Variants in KIFC3 observed in about 807,000 individuals in gnomAD.
KIFC3 encodes kinesin-like protein KIFC3.
KIFC3 carries 60 observed loss-of-function variants against 101.8 expected under a neutral mutation model. The observed-to-expected ratio is 0.59, with a 90% CI of 0.48 to 0.73. The LOEUF (loss-of-function observed/expected upper bound fraction) is 0.73. Ranked by LOEUF, KIFC3 falls within the 30% of genes least tolerant of loss-of-function variation. The probability of loss-of-function intolerance (pLI) is 0.00; values close to 1 mark genes in which losing one functional copy is unlikely to be tolerated. For missense variants in KIFC3, 966 were observed against 1,137.1 expected (o/e 0.85, Z 2.16); for synonymous variants, 476 against 482.7 (o/e 0.99, Z 0.18).
At position 57,769,661 on chromosome 16, in the gene KIFC3, C is replaced by A. The variant is rs782037083; in HGVS notation, c.1152G>T (p.Gly384=). 2.5e-6 allele frequency: 4 copies of A among 1,612,054 alleles called. No homozygotes were observed. The highest frequency in any genetic ancestry group is 3.4e-6 in the Non-Finnish European group (4 of 1,180,012). The change falls in exon 9 of 20, where the codon GGG becomes GGT. Residue 384 remains glycine (G), a synonymous_variant. Coordinates refer to ENST00000445690, the MANE Select transcript of KIFC3 (RefSeq NM_001130100.2). The surrounding 1 kb of genome is among the most constrained non-coding windows in gnomAD (Gnocchi z 4.3). The part of the protein sequence containing the change: ...ALRTLTNDYN[G]LKRQVRGFPL... The stretch of plus-strand genomic sequence containing the variant: ...GGAAGCCGCGCACCTGCCGCTTGAG[C>A]CCATTGTAGTCGTTGGTGAGGGTCC...
Position 57,765,651 on chromosome 16 carries a change from T to A in KIFC3, c.1331-11A>T, listed in dbSNP as rs2050403799. The A allele has an allele frequency of 6.2e-7, 1 of 1,603,782 alleles. No individual in the cohort carries two copies. Among genetic ancestry groups the A allele is most frequent in the South Asian group, 1.1e-5 (1 of 89,262 alleles). ...TCACTCGGATGTTCCCTGGATTGGT[T>A]GGGGATGGGGAAATGGGTCCAGGCC... On this transcript the variant is annotated splice_polypyrimidine_tract_variant and intron_variant, in intron 10 of 19. Transcript: ENST00000445690.
chr16:57,777,278 T>C (rs1180895349), intron 3 of KIFC3, among the ~76,000 whole-genome samples: 1 of 152,220 alleles, frequency 6.6e-6, no homozygotes, highest in African/African-American at 2.4e-5. Flanking sequence ...CTACCCAAAG[T>C]GATCTACAGA....
At chr16:57,789,164 A>G (rs1555619170) in intron 3 of KIFC3, among the ~76,000 whole-genome samples, 1 of 152,188 alleles carries the variant, frequency 6.6e-6, no homozygotes, top group East Asian at 1.9e-4. Flanking sequence ...CCGCATCTCC[A>G]GATGGGACCC....
chr16:57,843,906 C>T (rs1442282562), intron 1 of KIFC3, among the ~76,000 whole-genome samples: 6 of 151,356 alleles, frequency 4.0e-5, no homozygotes, highest in Non-Finnish European at 7.4e-5. Context: ...TCAGGAGTTC[C>T]AGACCAGCCT....
chr16:57,780,619 C>T (rs1333550651), intron 3 of KIFC3, among the ~76,000 whole-genome samples: 9 of 143,736 alleles, frequency 6.3e-5, no homozygotes, highest in African/African-American at 1.8e-4. Context: ...AAACAAGACA[C>T]ATTTGAGGGC....
At chr16:57,823,401 T>C (rs2055391905) in intron 1 of KIFC3, among the ~76,000 whole-genome samples, 1 of 152,202 alleles carries the variant, frequency 6.6e-6, no homozygotes, top group Non-Finnish European at 1.5e-5. Context: ...CCTGACTACC[T>C]TGGGCACTTC....
intron 1 of KIFC3, among the ~76,000 whole-genome samples, chr16:57,813,049 C>G (rs1039768177): frequency 3.9e-5 from 6 of 152,148 alleles, no homozygotes; most frequent in African/African-American, 1.4e-4. Context: ...AGAACCTGGC[C>G]AGGCACAGTG....
chr16:57,839,884 G>T (rs114273037), intron 1 of KIFC3, among the ~76,000 whole-genome samples: 247 of 152,074 alleles, frequency 1.6e-3, no homozygotes, highest in African/African-American at 5.4e-3. Context: ...ACTATTTTAA[G>T]CACTTTCCTT....
Position 57,760,839 on chromosome 16 carries a change from C to T in KIFC3, c.2119G>A (p.Val707Ile), listed in dbSNP as rs1555595977. The T allele has an allele frequency of 1.9e-6, 3 of 1,613,284 alleles. No individual in the cohort carries two copies. Among genetic ancestry groups the T allele is most frequent in the African/African-American group, 2.7e-5 (2 of 75,048 alleles). The change falls in exon 16 of 20, where the codon GTC (valine) becomes ATC (isoleucine). Residue 707 changes from valine (V) to isoleucine (I), a missense_variant. By Grantham distance (29) the Val-to-Ile change is conservative. Coordinates refer to ENST00000445690, the MANE Select transcript of KIFC3 (RefSeq NM_001130100.2). ...INKSLSALGD[V>I]IAALRSRQGH... ...TGGCGGGAGCGCAGGGCAGCAATGA[C>T]GTCCCCCAGAGCCGACAGCGACTTG...
At chr16:57,839,314 A>C (rs1210685800) in intron 1 of KIFC3, among the ~76,000 whole-genome samples, 2 of 152,114 alleles carry the variant, frequency 1.3e-5, no homozygotes, top group Admixed American at 6.6e-5. Context: ...CCAAGGCGGG[A>C]GGATCCCTTG....
At chr16:57,762,768 G>GAC (rs2050017048) in intron 12 of KIFC3, among the ~76,000 whole-genome samples, 1 of 152,196 alleles carries the variant, frequency 6.6e-6, no homozygotes, top group African/African-American at 2.4e-5. Context: ...CCCCACCCGG[G>GAC]ACCTCGAGGC....
In KIFC3 at chr16:57,758,376, TA is replaced by T. The variant is rs1234049561; in HGVS notation, c.*557del. ...ACCCGCTGGCTGCCTCTGCCAGCCATAAACACAGCACGGCCCCGTGGCGGGA... is the reference window on the plus strand; with the variant it reads ...ACCCGCTGGCTGCCTCTGCCAGCCATAACACAGCACGGCCCCGTGGCGGGA... On this transcript the variant is annotated 3_prime_UTR_variant, in exon 20 of 20. Coordinates refer to ENST00000445690, the MANE Select transcript of KIFC3 (RefSeq NM_001130100.2). 1 of 318,158 alleles carries T rather than the reference TA, an allele frequency of 3.1e-6. No homozygotes were observed. The highest frequency in any genetic ancestry group is 9.6e-5 in the East Asian group (1 of 10,372). The allele number at this position is 318,158 out of a possible 1,614,324, so 19.7% of individuals were successfully genotyped here.
intron 3 of KIFC3, among the ~76,000 whole-genome samples, chr16:57,789,927 G>A (rs2053703265): frequency 6.6e-6 from 1 of 151,850 alleles, no homozygotes; most frequent in African/African-American, 2.4e-5. Context: ...AATAGAGACA[G>A]GGTTTCACCA....
At chr16:57,843,133 CA>C (rs2055846307) in intron 1 of KIFC3, among the ~76,000 whole-genome samples, 1 of 151,890 alleles carries the variant, frequency 6.6e-6, no homozygotes, top group African/African-American at 2.4e-5. Flanking sequence ...AATTCTGTCT[CA>C]AAAAATATAT....
chr16:57,767,438 A>G (rs10852557), intron 9 of KIFC3, among the ~76,000 whole-genome samples: 126,888 of 152,148 alleles, frequency 0.83, 53,088 homozygotes, highest in South Asian at 0.88. Context: ...TTTCACAGGT[A>G]GAAAAAAGAT....
intron 1 of KIFC3, among the ~76,000 whole-genome samples, chr16:57,819,413 T>G (rs956381516): frequency 3.9e-5 from 6 of 152,146 alleles, no homozygotes; most frequent in Admixed American, 3.9e-4. Flanking sequence ...GGTACATGAC[T>G]TGGCGCAAGC....
At position 57,788,825 on chromosome 16, in the gene KIFC3, G is replaced by C. The variant is rs1232176166; in HGVS notation, c.315+6174C>G. 2.9e-6 allele frequency: 3 copies of C among 1,019,760 alleles called. No homozygotes were observed. In the African/African-American group the frequency reaches 5.1e-5, roughly 17 times the overall value. 63.2% of individuals were successfully genotyped at this position (1,019,760 alleles called of 1,614,324 possible). A position where few individuals can be genotyped will look rare whatever the true frequency, so the allele number is the denominator to read the frequency against. Reference sequence around the variant, plus strand: ...TGGCAAGGATCCCAGGGCCCAGCGGGTCCAGTCCCTCCCTTTGTGGGTGGG... The same window carrying C: ...TGGCAAGGATCCCAGGGCCCAGCGGCTCCAGTCCCTCCCTTTGTGGGTGGG... On this transcript the variant is annotated intron_variant, in intron 3 of 19. Coordinates refer to ENST00000445690, the MANE Select transcript of KIFC3 (RefSeq NM_001130100.2).
upstream of KIFC3, chr16:57,803,510 A>G: frequency 2.4e-6 from 1 of 412,704 alleles, no homozygotes; most frequent in Non-Finnish European, 4.9e-6. Flanking sequence ...GGGATGGCCC[A>G]AGAAGATCAA....
chr16:57,770,378 C>T (rs1597953864), intron 7 of KIFC3, 149 bp downstream of exon 7: 2 of 687,124 alleles, frequency 2.9e-6, no homozygotes, highest in African/African-American at 1.9e-5. Flanking sequence ...GGAAACCAGA[C>T]AAAACTTGCC....
Sources: gnomAD v4.1 joint callset for allele counts (sites outside exome capture counted in the v4.1 genomes callset) on GRCh38, gnomAD v4.1.1 for gene constraint, Gnocchi (gnomAD v3.1) non-coding constraint, MANE v1.5 for transcripts, NCBI Gene and HGNC (gene_info 2026-07-23, HGNC 2026-07-21) for gene names.